The following PPP6C variants were observed in gnomAD, a reference collection of about 807,000 sequenced individuals.
PPP6C encodes the protein serine/threonine-protein phosphatase 6 catalytic subunit.
In PPP6C, 11 loss-of-function variants were observed where a neutral mutation model predicts 39.8. The observed-to-expected ratio is 0.28, with a 90% CI of 0.17 to 0.46. PPP6C has a LOEUF of 0.46. PPP6C is among the 20% of genes least tolerant of loss of function. PPP6C has a pLI of 1.00. For missense variants in PPP6C, 211 were observed against 373.9 expected (o/e 0.56, Z 3.59); for synonymous variants, 129 against 130.3 (o/e 0.99, Z 0.07).
intron 2 of PPP6C, among the ~76,000 whole-genome samples, chr9:125,164,759 G>A (rs1441187249): frequency 6.6e-6 from 1 of 151,706 alleles, no homozygotes; most frequent in East Asian, 1.9e-4. Flanking sequence ...TTTTTTTTGA[G>A]ACGGAGTCTC....
intron 4 of PPP6C, among the ~76,000 whole-genome samples, chr9:125,155,904 C>CAAAAA (rs1231626756): frequency 3.3e-5 from 2 of 61,448 alleles, no homozygotes; most frequent in East Asian, 4.7e-4. Context: ...GACTCCGTCT[C>CAAAAA]AAAAAAAAAA....
rs1038815794 is a variant in PPP6C, at chr9:125,187,845, A to G, written c.75+1799T>C. 1.2e-4 allele frequency among the ~76,000 whole-genome samples: 19 copies of G among 152,052 alleles called. 1 individual carries two copies. The highest frequency in any genetic ancestry group is 3.6e-4 in the African/African-American group (15 of 41,342). Reference sequence around the variant, plus strand: ...GTCTGAAGGACTCAGATGAGCACAAATGCTACATTACTACTAACGAAGGCT... The same window carrying G: ...GTCTGAAGGACTCAGATGAGCACAAGTGCTACATTACTACTAACGAAGGCT... On this transcript the variant is annotated intron_variant, in intron 1 of 6. Coordinates refer to ENST00000373547, the MANE Select transcript of PPP6C (RefSeq NM_002721.5).
Position 125,153,673 on chromosome 9 carries a change from G to A in PPP6C, c.529C>T (p.Arg177Ter), listed in dbSNP as rs865855853. ...ATTTCCTGATTCCGTTCGATGGTTC[G>A]AATTTGATCCAGTGTTTTGATATCA... ...SPDIKTLDQI[R>*]TIERNQEIPH... The change falls in exon 6 of 7, where the codon CGA (arginine) becomes TGA (stop). Residue 177 changes from arginine (R) to a stop codon, truncating the protein, a stop_gained. Transcript: ENST00000373547. LOFTEE classifies it high-confidence loss of function. 1.2e-6 allele frequency: 2 copies of A among 1,614,100 alleles called. No homozygotes were observed. Among genetic ancestry groups the A allele is most frequent in the Non-Finnish European group, 1.7e-6 (2 of 1,180,030 alleles).
intron 3 of PPP6C, among the ~76,000 whole-genome samples, chr9:125,160,163 A>C (rs1828826347): frequency 6.6e-6 from 1 of 152,234 alleles, no homozygotes; most frequent in Non-Finnish European, 1.5e-5. Context: ...ATATTAATCC[A>C]TCCATAGATT....
At chr9:125,175,134 G>A (rs1829268215) in intron 1 of PPP6C, among the ~76,000 whole-genome samples, 1 of 151,888 alleles carries the variant, frequency 6.6e-6, no homozygotes, top group Non-Finnish European at 1.5e-5. Context: ...CTTGAACCCA[G>A]GAGCAGAGTT....
intron 1 of PPP6C, among the ~76,000 whole-genome samples, chr9:125,175,661 A>G (rs1829283141): frequency 6.6e-6 from 1 of 151,174 alleles, no homozygotes; most frequent in African/African-American, 2.4e-5. Flanking sequence ...AAAAAAAAAA[A>G]GAAATTACCT....
chr9:125,170,533 G>A (rs1256637694), intron 2 of PPP6C, among the ~76,000 whole-genome samples: 3 of 152,004 alleles, frequency 2.0e-5, no homozygotes, highest in Admixed American at 6.6e-5. Context: ...CACCACGCCC[G>A]GCACTGCTTT....
At chr9:125,171,476 C>CATATATATATATAT (rs1171225348) in intron 1 of PPP6C, among the ~76,000 whole-genome samples, 3 of 57,190 alleles carry the variant, frequency 5.2e-5, no homozygotes, top group African/African-American at 8.7e-5. Context: ...CACACACACA[C>CATATATATATATAT]ACATATATAT....
chr9:125,163,182 C>T (rs910666210), intron 2 of PPP6C, among the ~76,000 whole-genome samples: 1 of 152,054 alleles, frequency 6.6e-6, no homozygotes. Flanking sequence ...ACTCAAGGAC[C>T]TTATGAGGCC....
intron 1 of PPP6C, among the ~76,000 whole-genome samples, chr9:125,173,004 C>T (rs1829208842): frequency 6.6e-6 from 1 of 152,172 alleles, no homozygotes; most frequent in Non-Finnish European, 1.5e-5. Context: ...CAGCTGGGCA[C>T]GGCGGCTCTC....
chr9:125,183,741 T>C (rs1829466053), intron 1 of PPP6C, among the ~76,000 whole-genome samples: 1 of 152,208 alleles, frequency 6.6e-6, no homozygotes, highest in Admixed American at 6.5e-5. Context: ...TTTGTCTACC[T>C]GAACTCTGCC....
intron 1 of PPP6C, among the ~76,000 whole-genome samples, chr9:125,172,876 TG>T (rs1410851859): frequency 1.3e-5 from 2 of 152,186 alleles, no homozygotes; most frequent in African/African-American, 4.8e-5. Context: ...GATGTTGTAT[TG>T]GTTGTGGCAT....
intron 2 of PPP6C, among the ~76,000 whole-genome samples, chr9:125,168,094 C>T (rs1829065244): frequency 6.6e-6 from 1 of 152,136 alleles, no homozygotes; most frequent in Non-Finnish European, 1.5e-5. Context: ...CATGCTAAGG[C>T]ACGAGCAGTT....
At position 125,172,608 on chromosome 9, in the gene PPP6C, A is replaced by G. The variant is rs577945550; in HGVS notation, c.76-1428T>C. Reference sequence around the variant, plus strand: ...GCAGGAAGGAAGTGGGTGTGGCTATAAAAGGGCAACATGAGGAATTCTTGT... The same window carrying G: ...GCAGGAAGGAAGTGGGTGTGGCTATGAAAGGGCAACATGAGGAATTCTTGT... On this transcript the variant is annotated intron_variant, in intron 1 of 6. Coordinates refer to ENST00000373547, the MANE Select transcript of PPP6C (RefSeq NM_002721.5). Among the ~76,000 whole-genome samples, 71 of 152,224 alleles carry G rather than the reference A, an allele frequency of 4.7e-4. 1 individual carries two copies. The highest frequency in any genetic ancestry group is 1.6e-3 in the African/African-American group (68 of 41,546).
chr9:125,179,069 G>A (rs952326377), intron 1 of PPP6C, among the ~76,000 whole-genome samples: 1 of 152,112 alleles, frequency 6.6e-6, no homozygotes, highest in Admixed American at 6.6e-5. Context: ...TACAAAATTA[G>A]CCGGGTGTGG....
At position 125,148,151 on chromosome 9, in the gene PPP6C, C is replaced by T. The variant is rs1835853055; in HGVS notation, c.*1522G>A. 1.1e-5 allele frequency: 2 copies of T among 183,804 alleles called. No homozygotes were observed. The highest frequency in any genetic ancestry group is 8.8e-5 in the Admixed American group (2 of 22,754). The allele number at this position is 183,804 out of a possible 1,614,324, so 11.4% of individuals were successfully genotyped here. On this transcript the variant is annotated 3_prime_UTR_variant, in exon 7 of 7. Coordinates refer to ENST00000373547, the MANE Select transcript of PPP6C (RefSeq NM_002721.5). ...TGATGAAAAATTATATGCCAAGAAG[C>T]TTAGACTATAAAGATTTTTATTGCA... is the stretch of plus-strand genomic sequence containing the variant.
intron 1 of PPP6C, 62 bp from the exon 2 acceptor site, chr9:125,171,242 C>A: frequency 7.6e-7 from 1 of 1,323,184 alleles, no homozygotes; most frequent in Non-Finnish European, 1.0e-6. Context: ...AGATAAAATA[C>A]CAAAAAAGAA....
chr9:125,158,721 G>A (rs190862018), intron 3 of PPP6C, among the ~76,000 whole-genome samples: 2,198 of 151,632 alleles, frequency 0.014, 24 homozygotes, highest in Non-Finnish European at 0.023. Flanking sequence ...GAGTGCAGTG[G>A]CACAATCTCG....
At chr9:125,154,248 T>C (rs1290099440) in intron 4 of PPP6C, among the ~76,000 whole-genome samples, 1 of 152,226 alleles carries the variant, frequency 6.6e-6, no homozygotes, top group Admixed American at 6.5e-5. Flanking sequence ...TGTGTGAACA[T>C]CATCGGATGT....
Sources: gnomAD v4.1 joint callset for allele counts (sites outside exome capture counted in the v4.1 genomes callset) on GRCh38, gnomAD v4.1.1 for gene constraint, MANE v1.5 for transcripts, NCBI Gene and HGNC (gene_info 2026-07-23, HGNC 2026-07-21) for gene names.